The following PPIG variants were observed in gnomAD, a reference collection of about 807,000 sequenced individuals.
The protein encoded by PPIG is peptidylprolyl isomerase G.
PPIG carries 26 observed loss-of-function variants against 87.9 expected under a neutral mutation model. The observed-to-expected ratio is 0.30, with a 90% CI of 0.22 to 0.41. The LOEUF is 0.41. Among genes scored for constraint, PPIG ranks in the 10% least tolerant of loss-of-function variants. The pLI is 1.00. For synonymous variants in PPIG, 308 were observed against 276.5 expected (o/e 1.11, Z -1.13); for missense variants, 722 against 879.4 (o/e 0.82, Z 2.26).
chr2:169,631,707 A>C, intron 10 of PPIG, 59 bp from the exon 11 acceptor site: 1 of 1,605,818 alleles, frequency 6.2e-7, no homozygotes, highest in Non-Finnish European at 8.5e-7. Flanking sequence ...ACAATTGGAT[A>C]CTTCCGTAAG....
At chr2:169,606,525 GA>G (rs1312832378) in intron 5 of PPIG, among the ~76,000 whole-genome samples, 3 of 148,478 alleles carry the variant, frequency 2.0e-5, no homozygotes, top group African/African-American at 7.6e-5. Flanking sequence ...CCGAAAGGTG[GA>G]AGTTGCGGTG....
At chr2:169,608,272 C>G (rs895877351) in intron 6 of PPIG, among the ~76,000 whole-genome samples, 1 of 151,776 alleles carries the variant, frequency 6.6e-6, no homozygotes, top group South Asian at 2.1e-4. Context: ...GGGCGGATCA[C>G]GATGTCAGGA....
At chr2:169,584,586 C>A (rs557147394) in intron 1 of PPIG, 96 bp downstream of exon 1, 2 of 447,820 alleles carry the variant, frequency 4.5e-6, no homozygotes, top group South Asian at 3.2e-5. Context: ...GCGGAGCCGG[C>A]GCGGCTGACC....
chr2:169,637,432 C>T lies in PPIG; in HGVS notation c.2174C>T (p.Ser725Leu). The T allele has an allele frequency of 6.2e-7, 1 of 1,612,056 alleles. No individual in the cohort carries two copies. Among genetic ancestry groups the T allele is most frequent in the Admixed American group, 1.7e-5 (1 of 59,754 alleles). Residue 725 changes from serine (S) to leucine (L), a missense_variant, in exon 14 of 14, where the codon TCA (serine) becomes TTA (leucine). Coordinates refer to ENST00000260970, the MANE Select transcript of PPIG (RefSeq NM_004792.3). ...RSSVEKENQK[S>L]KGQENDHVHE... ...TCAGTGGAAAAAGAAAACCAAAAAT[C>T]AAAAGGTCAAGAAAATGACCATGTA...
At chr2:169,619,577 G>A (rs1318617616) in intron 9 of PPIG, among the ~76,000 whole-genome samples, 1 of 152,058 alleles carries the variant, frequency 6.6e-6, no homozygotes, top group African/African-American at 2.4e-5. Context: ...TATATATTTA[G>A]GATAGTTAGC....
At chr2:169,631,228 C>G (rs1296154570) in intron 10 of PPIG, among the ~76,000 whole-genome samples, 3 of 152,016 alleles carry the variant, frequency 2.0e-5, no homozygotes, top group Admixed American at 2.0e-4. Flanking sequence ...TTTGGTGTTA[C>G]AGATTTGTGT....
chr2:169,605,262 A>G (rs1685291658), intron 4 of PPIG, among the ~76,000 whole-genome samples: 1 of 152,014 alleles, frequency 6.6e-6, no homozygotes, highest in South Asian at 2.1e-4. Flanking sequence ...TGAACCCTAG[A>G]TGGAGGTTGC....
chr2:169,634,258 C>T (rs1686129096), intron 12 of PPIG, among the ~76,000 whole-genome samples: 1 of 152,008 alleles, frequency 6.6e-6, no homozygotes, highest in Non-Finnish European at 1.5e-5. Context: ...AATGGGGTTT[C>T]GTCATGTTGC....
rs1182859582 is a variant in PPIG, at chr2:169,640,324, A to G, written c.*2801A>G. ...TGCCTAGTGGAAGGTATGGAGCTAA[A>G]CAATTAAAGAACTCTTCATTATGGA... On this transcript the variant is annotated 3_prime_UTR_variant, in exon 14 of 14. Transcript: ENST00000260970. 1 of 152,216 alleles carries G rather than the reference A, an allele frequency of 6.6e-6. No homozygotes were observed. Among genetic ancestry groups the G allele is most frequent in the Non-Finnish European group, 1.5e-5 (1 of 68,026 alleles). The allele number at this position is 152,216 out of a possible 1,614,324, so 9.4% of individuals were successfully genotyped here.
intron 9 of PPIG, among the ~76,000 whole-genome samples, chr2:169,627,704 C>CTTTTTTTTTTTTTTTTTTT (rs777197172): frequency 9.8e-6 from 1 of 101,930 alleles, no homozygotes; most frequent in Non-Finnish European, 1.8e-5. Flanking sequence ...AGTGGGCTTG[C>CTTTTTTTTTTTTTTTTTTT]TTTTTTTTTT....
intron 2 of PPIG, 21 bp downstream of exon 2, chr2:169,603,715 A>G: frequency 4.4e-6 from 1 of 224,768 alleles, no homozygotes; most frequent in Non-Finnish European, 8.7e-6. Flanking sequence ...TATTGAGTTC[A>G]CTAATCATAC....
intron 5 of PPIG, among the ~76,000 whole-genome samples, chr2:169,606,399 C>T (rs947808718): frequency 6.6e-6 from 1 of 151,960 alleles, no homozygotes; most frequent in African/African-American, 2.4e-5. Context: ...CGAGACCAGC[C>T]TGGCCAACAT....
chr2:169,607,882 G>T (rs1574448069), intron 6 of PPIG, among the ~76,000 whole-genome samples: 1 of 152,078 alleles, frequency 6.6e-6, no homozygotes, highest in East Asian at 1.9e-4. Context: ...TAAGAGATGG[G>T]ATCTCACTGT....
At chr2:169,601,348 C>G (rs994094261) in intron 1 of PPIG, among the ~76,000 whole-genome samples, 3 of 152,100 alleles carry the variant, frequency 2.0e-5, no homozygotes, top group African/African-American at 7.2e-5. Context: ...ACTGTTTGAG[C>G]AGTAAGAATA....
Position 169,629,949 on chromosome 2 carries a change from G to T in PPIG, c.548-825G>T, listed in dbSNP as rs1255674982. 2.6e-5 allele frequency among the ~76,000 whole-genome samples: 4 copies of T among 151,936 alleles called. 1 individual carries two copies. The highest frequency in any genetic ancestry group is 7.3e-5 in the African/African-American group (3 of 41,366). ...ATAATCTGATATATCTCAATTTATTGTAGTTCTCATGTATATATCAATATT... is the reference window on the plus strand; with the variant it reads ...ATAATCTGATATATCTCAATTTATTTTAGTTCTCATGTATATATCAATATT... On this transcript the variant is annotated intron_variant, in intron 9 of 13. Coordinates refer to ENST00000260970, the MANE Select transcript of PPIG (RefSeq NM_004792.3).
chr2:169,619,289 A>G (rs1477716621), intron 9 of PPIG, among the ~76,000 whole-genome samples: 2 of 152,114 alleles, frequency 1.3e-5, no homozygotes, highest in Admixed American at 6.6e-5. Flanking sequence ...TTTACTTCCA[A>G]TTATGTGGTC....
chr2:169,637,656 G>A lies in PPIG; in HGVS notation c.*133G>A. ...TATGTTTGTCCTTTTTTTTCTTAAT[G>A]TGGATTTCATTGAGTTGATTTTTTG... On this transcript the variant is annotated 3_prime_UTR_variant, in exon 14 of 14. Coordinates refer to ENST00000260970, the MANE Select transcript of PPIG (RefSeq NM_004792.3). The A allele has an allele frequency of 3.2e-6, 3 of 951,116 alleles. No homozygotes were observed. Among genetic ancestry groups the A allele is most frequent in the Non-Finnish European group, 4.4e-6 (3 of 674,814 alleles). The allele number at this position is 951,116 out of a possible 1,614,324, so 58.9% of individuals were successfully genotyped here. A position where few individuals can be genotyped will look rare whatever the true frequency, so the allele number is the denominator to read the frequency against.
intron 9 of PPIG, among the ~76,000 whole-genome samples, chr2:169,618,826 A>AT (rs35389984): frequency 0.56 from 80,798 of 145,318 alleles, 22,528 homozygotes; most frequent in African/African-American, 0.66. Context: ...GGATTCATTG[A>AT]TTTTTTTTTT....
chr2:169,602,601 C>T (rs192099661), intron 1 of PPIG, among the ~76,000 whole-genome samples: 1,839 of 152,264 alleles, frequency 0.012, 51 homozygotes, highest in African/African-American at 0.042. Context: ...CGTGAGCCAC[C>T]GCACCCGGCC....
Sources: allele counts gnomAD v4.1 joint callset (sites outside exome capture counted in the v4.1 genomes callset), GRCh38; gene constraint gnomAD v4.1.1; transcripts MANE v1.5; gene names NCBI Gene and HGNC (gene_info 2026-07-23, HGNC 2026-07-21).